The following ZNF430 variants were observed in gnomAD, a reference collection of about 807,000 sequenced individuals.
ZNF430 encodes zinc finger protein 430.
In ZNF430, 35 loss-of-function variants were observed where a neutral mutation model predicts 56.7. The observed-to-expected ratio is 0.62, with a 90% confidence interval of 0.47 to 0.82. The LOEUF is 0.82. ZNF430 is among the 40% of genes least tolerant of loss of function. ZNF430 has a pLI of 0.00. For synonymous variants in ZNF430, 212 were observed against 224.3 expected, an observed-to-expected ratio of 0.94 and a Z score of 0.49; for missense variants, 574 against 661.0, an observed-to-expected ratio of 0.87 and a Z score of 1.44.
At chr19:21,025,577 T>C (rs1260048225) in intron 2 of ZNF430, among the ~76,000 whole-genome samples, 2 of 151,860 alleles carry the variant, frequency 1.3e-5, no homozygotes, top group Non-Finnish European at 2.9e-5. Context: ...TCAATACACC[T>C]CTGACATTTC....
At chr19:21,039,474 T>TTTATTTA (rs1376014363) in intron 4 of ZNF430, among the ~76,000 whole-genome samples, 1 of 149,456 alleles carries the variant, frequency 6.7e-6, no homozygotes, top group Non-Finnish European at 1.5e-5. Context: ...TATTTATTTA[T>TTTATTTA]TTATTTTACT....
chr19:21,021,452 T>C (rs1967681959), intron 1 of ZNF430, among the ~76,000 whole-genome samples: 1 of 151,708 alleles, frequency 6.6e-6, no homozygotes, highest in Admixed American at 6.6e-5. Flanking sequence ...TGAGCCGAGA[T>C]AGCGCCACTG....
chr19:21,046,674 C>A (rs955785803), intron 4 of ZNF430, among the ~76,000 whole-genome samples: 1 of 152,098 alleles, frequency 6.6e-6, no homozygotes, highest in Non-Finnish European at 1.5e-5. Flanking sequence ...CAATCTCTTA[C>A]GGCTTGTAGG....
At chr19:21,046,864 A>T (rs908528852) in intron 4 of ZNF430, among the ~76,000 whole-genome samples, 1 of 152,076 alleles carries the variant, frequency 6.6e-6, no homozygotes, top group Non-Finnish European at 1.5e-5. Context: ...GATTTTCTGA[A>T]TTTGAATGTT....
chr19:21,050,845 T>C (rs1363166569), intron 4 of ZNF430, among the ~76,000 whole-genome samples: 2 of 152,102 alleles, frequency 1.3e-5, no homozygotes. Context: ...CTGGCTATCT[T>C]GGTGAAACCC....
chr19:21,056,761 T>G lies in ZNF430; in HGVS notation c.453T>G (p.Ser151Arg). The change falls in exon 5 of 5, where the codon AGT (serine) becomes AGG (arginine). Residue 151 changes from serine (S) to arginine (R), a missense_variant. Ser to Arg is a moderately radical substitution (Grantham distance 110, BLOSUM62 -1). Coordinates refer to ENST00000261560, the MANE Select transcript of ZNF430 (RefSeq NM_025189.4). ...TACAGTTAAGAACAGGCTGTAAAAGTGTGGATGAGTGTAATCTGCACAAAG... is the reference window on the plus strand; with the variant it reads ...TACAGTTAAGAACAGGCTGTAAAAGGGTGGATGAGTGTAATCTGCACAAAG... ...EDLQLRTGCK[S>R]VDECNLHKEC... The G allele has an allele frequency of 6.2e-7, 1 of 1,613,816 alleles. No homozygotes were observed. The highest frequency in any genetic ancestry group is 2.2e-5 in the East Asian group (1 of 44,856).
chr19:21,022,780 C>G lies in ZNF430; in HGVS notation c.4-9C>G. 1.9e-6 allele frequency: 3 copies of G among 1,595,938 alleles called. No homozygotes were observed. The highest frequency in any genetic ancestry group is 2.6e-6 in the Non-Finnish European group (3 of 1,163,510). Reference sequence around the variant, plus strand: ...TGGATATCAGCTTCTGGGTTATTTTCTCCCATAGGAGAACCTGAAGTCTGG... The same window carrying G: ...TGGATATCAGCTTCTGGGTTATTTTGTCCCATAGGAGAACCTGAAGTCTGG... On this transcript the variant is annotated splice_polypyrimidine_tract_variant and intron_variant, in intron 1 of 4. Transcript: ENST00000261560.
Position 21,057,023 on chromosome 19 carries a change from G to A in ZNF430, c.715G>A (p.Gly239Ser), listed in dbSNP as rs1332247630. Residue 239 changes from glycine (G) to serine (S), a missense_variant, in exon 5 of 5, where the codon GGT becomes AGT. Gly to Ser is a moderately conservative substitution (Grantham distance 56). Transcript: ENST00000261560. ...AAATTCTTACCAATGTGAAGAATGT[G>A]GTAAAGTCTTTAACTGGTTCTCAAC... ...RENSYQCEEC[G>S]KVFNWFSTLT... 3 of 1,613,996 alleles carry A rather than the reference G, an allele frequency of 1.9e-6. No homozygotes were observed. Among genetic ancestry groups the A allele is most frequent in the Non-Finnish European group, 2.5e-6 (3 of 1,179,980 alleles).
At position 21,058,210 on chromosome 19, in the gene ZNF430, T is replaced by A; in HGVS notation, c.*189T>A. The A allele has an allele frequency of 3.4e-6, 2 of 581,586 alleles. No individual in the cohort carries two copies. Among genetic ancestry groups the A allele is most frequent in the South Asian group, 4.6e-5 (2 of 43,194 alleles). 36.0% of individuals were successfully genotyped at this position (581,586 alleles called of 1,614,324 possible). On this transcript the variant is annotated 3_prime_UTR_variant, in exon 5 of 5. Transcript: ENST00000261560. Reference sequence around the variant, plus strand: ...CTGTAATCCCAGCACTTTGGGAGGCTGAGACGGGTGAATTACATGAGGTTG... The same window carrying A: ...CTGTAATCCCAGCACTTTGGGAGGCAGAGACGGGTGAATTACATGAGGTTG...
intron 2 of ZNF430, 85 bp from the exon 3 acceptor site, chr19:21,033,371 G>T (rs1967936190): frequency 6.7e-7 from 1 of 1,486,984 alleles, no homozygotes. Flanking sequence ...TCTTTATTCT[G>T]TCATTTCACT....
rs1176255371 is a variant in ZNF430, at chr19:21,059,700, A to G, written c.*1679A>G. On this transcript the variant is annotated 3_prime_UTR_variant, in exon 5 of 5. Transcript: ENST00000261560. ...TTTTTGTAAATAATGATGTAATTCA[A>G]CTCTCAAAATATTTCCTACTGTTTC... The G allele has an allele frequency of 2.0e-5, 3 of 151,910 alleles. No individual in the cohort carries two copies. The highest frequency in any genetic ancestry group is 4.8e-5 in the African/African-American group (2 of 41,372). 9.4% of individuals were successfully genotyped at this position (151,910 alleles called of 1,614,324 possible).
chr19:21,054,745 G>T (rs1203014575), intron 4 of ZNF430, among the ~76,000 whole-genome samples: 1 of 126,246 alleles, frequency 7.9e-6, no homozygotes, highest in Non-Finnish European at 1.6e-5. Context: ...GCGCATCTCC[G>T]CTCACTATAA....
Position 21,058,046 on chromosome 19 carries a change from G to T in ZNF430, c.*25G>T. ...AAGATTGTGGCAAAGCCTCTAACCC[G>T]TCCTGAATTCTTACTAAACATAAGA... On this transcript the variant is annotated 3_prime_UTR_variant, in exon 5 of 5. Transcript: ENST00000261560. 1 of 1,591,294 alleles carries T rather than the reference G, an allele frequency of 6.3e-7. No individual in the cohort carries two copies. Among genetic ancestry groups the T allele is most frequent in the South Asian group, 1.1e-5 (1 of 88,246 alleles).
intron 1 of ZNF430, among the ~76,000 whole-genome samples, chr19:21,021,083 T>C (rs988346169): frequency 6.6e-6 from 1 of 151,960 alleles, no homozygotes; most frequent in African/African-American, 2.4e-5. Context: ...TCTCCCAGAC[T>C]GTGCAGGGAC....
chr19:21,054,418 T>A (rs982104094), intron 4 of ZNF430, among the ~76,000 whole-genome samples: 8 of 151,928 alleles, frequency 5.3e-5, no homozygotes, highest in African/African-American at 1.9e-4. Flanking sequence ...GATGGTATTA[T>A]ACTCACTTGA....
In ZNF430 at chr19:21,058,774, C is replaced by T. The variant is rs1422842758; in HGVS notation, c.*753C>T. The T allele has an allele frequency of 6.6e-6, 1 of 152,140 alleles. No homozygotes were observed. Among genetic ancestry groups the T allele is most frequent in the Non-Finnish European group, 1.5e-5 (1 of 68,014 alleles). 9.4% of individuals were successfully genotyped at this position (152,140 alleles called of 1,614,324 possible). A position where few individuals can be genotyped will look rare whatever the true frequency, so the allele number is the denominator to read the frequency against. On this transcript the variant is annotated 3_prime_UTR_variant, in exon 5 of 5. Coordinates refer to ENST00000261560, the MANE Select transcript of ZNF430 (RefSeq NM_025189.4). The stretch of plus-strand genomic sequence containing the variant: ...CATGAAAAAGCCATTAATATCTATT[C>T]ACATCTTACCACTGGAGAGTTCATA...
intron 4 of ZNF430, among the ~76,000 whole-genome samples, chr19:21,056,314 C>A (rs969018222): frequency 6.6e-6 from 1 of 152,006 alleles, no homozygotes; most frequent in East Asian, 1.9e-4. Context: ...CATGGCGAAA[C>A]CCCATCTCTA....
At chr19:21,039,795 C>T (rs1340103521) in intron 4 of ZNF430, among the ~76,000 whole-genome samples, 1 of 151,950 alleles carries the variant, frequency 6.6e-6, no homozygotes, top group African/African-American at 2.4e-5. Flanking sequence ...TAGTTTCATT[C>T]AGTTTTGGTC....
chr19:21,021,685 G>A (rs1391155279), intron 1 of ZNF430, among the ~76,000 whole-genome samples: 2 of 152,090 alleles, frequency 1.3e-5, no homozygotes, highest in Admixed American at 6.6e-5. Context: ...GTACCGTTAT[G>A]TAGTTTCTTA....
Sources: gnomAD v4.1 joint callset for allele counts (sites outside exome capture counted in the v4.1 genomes callset) on GRCh38, gnomAD v4.1.1 for gene constraint, MANE v1.5 for transcripts, NCBI Gene and HGNC (gene_info 2026-07-23, HGNC 2026-07-21) for gene names.